The following EBF4 variants were observed in gnomAD, a reference collection of about 807,000 sequenced individuals.
EBF4 encodes the protein transcription factor COE4.
EBF4 carries 34 observed loss-of-function variants against 67.1 expected under a neutral mutation model. That is an observed-to-expected ratio of 0.51 (90% CI 0.39 to 0.67). EBF4 has a LOEUF of 0.67. EBF4 is among the 30% of genes least tolerant of loss of function. The pLI, the probability that EBF4 is intolerant of heterozygous loss-of-function variation, is 0.00. For missense variants in EBF4, 837 were observed against 873.3 expected (o/e 0.96, Z 0.52); for synonymous variants, 387 against 377.7 (o/e 1.02, Z -0.29).
At chr20:2,744,909 A>G (rs2088027375) in intron 6 of EBF4, among the ~76,000 whole-genome samples, 1 of 152,228 alleles carries the variant, frequency 6.6e-6, no homozygotes, top group Non-Finnish European at 1.5e-5. Flanking sequence ...CCCACATGAA[A>G]TCAACATAAA....
At chr20:2,735,776 C>T (rs1039477648) in intron 6 of EBF4, among the ~76,000 whole-genome samples, 8 of 152,118 alleles carry the variant, frequency 5.3e-5, no homozygotes, top group Non-Finnish European at 7.4e-5. Flanking sequence ...TCCCTGCCCT[C>T]TGAGAGCTTA....
intron 6 of EBF4, among the ~76,000 whole-genome samples, chr20:2,711,528 A>G (rs1282426136): frequency 2.0e-5 from 3 of 152,248 alleles, no homozygotes; most frequent in African/African-American, 4.8e-5. Flanking sequence ...GCTACTGCCA[A>G]TTCGATCTCT....
chr20:2,715,800 G>A (rs1258934731), intron 6 of EBF4, among the ~76,000 whole-genome samples: 1 of 152,150 alleles, frequency 6.6e-6, no homozygotes, highest in African/African-American at 2.4e-5. Flanking sequence ...CCAGGCTGGA[G>A]TGCAGTGGCG....
In EBF4 at chr20:2,755,510, C is replaced by A. The variant is rs76046761; in HGVS notation, c.1541-117C>A. 0.017 allele frequency: 10,990 copies of A among 646,320 alleles called. 152 individuals carry two copies. Among genetic ancestry groups the A allele is most frequent in the Non-Finnish European group, 0.023 (8,124 of 355,962 alleles). 40.0% of individuals were successfully genotyped at this position (646,320 alleles called of 1,614,324 possible). A position where few individuals can be genotyped will look rare whatever the true frequency, so the allele number is the denominator to read the frequency against. On this transcript the variant is annotated intron_variant, in intron 14 of 16. Coordinates refer to ENST00000609451, the Ensembl canonical transcript of EBF4. The surrounding 1 kb of genome is among the most constrained non-coding windows in gnomAD (Gnocchi z 4.7). ...CTCCCAGTGAGATCTGAGCCTGGTACCTGTGTCAGCAGCCCATGTGGGGCC... is the reference window on the plus strand; with the variant it reads ...CTCCCAGTGAGATCTGAGCCTGGTAACTGTGTCAGCAGCCCATGTGGGGCC...
intron 1 of EBF4, among the ~76,000 whole-genome samples, chr20:2,701,921 G>A (rs1326454499): frequency 6.6e-6 from 1 of 152,178 alleles, no homozygotes; most frequent in East Asian, 1.9e-4. Context: ...GGCCTCATTA[G>A]CATATTCATC....
In EBF4 at chr20:2,706,035, A is replaced by G. The variant is rs1389931160; in HGVS notation, c.356A>G (p.Asn119Ser). 15 of 1,551,466 alleles carry G rather than the reference A, an allele frequency of 9.7e-6. No individual in the cohort carries two copies. The highest frequency in any genetic ancestry group is 1.4e-5 in the African/African-American group (1 of 73,026). ...TACCGCCTCCGGCTGGTGTATAACA[A>G]TGGTGAGTGGAGGCCCCTGCCCTAC... The change falls in exon 3 of 17, where the codon AAT (asparagine) becomes AGT (serine). Residue 119 changes from asparagine to serine, a missense_variant and splice_region_variant. Physicochemically the swap from Asn to Ser is conservative, Grantham distance 46 (BLOSUM62 1). Coordinates refer to ENST00000609451, the Ensembl canonical transcript of EBF4.
Position 2,745,560 on chromosome 20 carries a change from G to A in EBF4, c.558-2989G>A, listed in dbSNP as rs117198521. Among the ~76,000 whole-genome samples, 1 of 152,208 alleles carries A rather than the reference G, an allele frequency of 6.6e-6. No individual in the cohort carries two copies. The highest frequency in any genetic ancestry group is 1.5e-5 in the Non-Finnish European group (1 of 68,032). On this transcript the variant is annotated intron_variant, in intron 6 of 16. Coordinates refer to ENST00000609451, the Ensembl canonical transcript of EBF4. The surrounding 1 kb of genome is among the most constrained non-coding windows in gnomAD (Gnocchi z 5.2). ...CCAGAAAATGGTGGCTGTACAGGGCGTGAGAATTGGTGTGGACCCAAAGGA... is the reference window on the plus strand; with the variant it reads ...CCAGAAAATGGTGGCTGTACAGGGCATGAGAATTGGTGTGGACCCAAAGGA...
chr20:2,705,788 CACA>C, intron 2 of EBF4, 55 bp downstream of exon 2: 4 of 260,318 alleles, frequency 1.5e-5, no homozygotes, highest in Non-Finnish European at 2.0e-5. Flanking sequence ...CCCCCAACCA[CACA>C]CACACACACA....
intron 14 of EBF4, 101 bp downstream of exon 14, chr20:2,752,646 G>T (rs1286694340): frequency 1.3e-5 from 14 of 1,042,100 alleles, no homozygotes; most frequent in Admixed American, 4.4e-5. Context: ...CGCCGGCGCC[G>T]TGAGAGTCGA....
At chr20:2,748,511 C>A (rs1400147096) in intron 6 of EBF4, 38 bp from the exon 7 acceptor site, 4 of 1,535,364 alleles carry the variant, frequency 2.6e-6, no homozygotes, top group Non-Finnish European at 3.5e-6. Context: ...GTTTCCAGAA[C>A]CCCCAGACCC....
Position 2,755,559 on chromosome 20 carries a change from G to A in EBF4, c.1541-68G>A. 1 of 798,954 alleles carries A rather than the reference G, an allele frequency of 1.3e-6. No homozygotes were observed. The highest frequency in any genetic ancestry group is 2.7e-5 in the East Asian group (1 of 37,608). 49.5% of individuals were successfully genotyped at this position (798,954 alleles called of 1,614,324 possible). On this transcript the variant is annotated intron_variant, in intron 14 of 16. Transcript: ENST00000609451. The surrounding 1 kb of genome is among the most constrained non-coding windows in gnomAD (Gnocchi z 4.7). ...CCCCAGCCAAGCTGCTCACTCTGGT[G>A]CTGTCTCCCTGTTGTGTCTCCCACC...
chr20:2,716,269 G>A (rs955865649), intron 6 of EBF4, among the ~76,000 whole-genome samples: 3 of 149,480 alleles, frequency 2.0e-5, no homozygotes, highest in Admixed American at 6.7e-5. Flanking sequence ...GCTCACGCCT[G>A]TAATCCCAGC....
chr20:2,741,044 C>T (rs545289246), intron 6 of EBF4, among the ~76,000 whole-genome samples: 4 of 152,242 alleles, frequency 2.6e-5, no homozygotes, highest in African/African-American at 9.6e-5. Context: ...GGCATGGTGG[C>T]TCATGCCTGT....
chr20:2,732,194 C>T (rs2087822594), intron 6 of EBF4, among the ~76,000 whole-genome samples: 1 of 151,954 alleles, frequency 6.6e-6, no homozygotes, highest in Non-Finnish European at 1.5e-5. Flanking sequence ...CCTTAGGGCT[C>T]ACTACAGCCT....
chr20:2,752,344 C>T lies in EBF4; in HGVS notation c.1352-13C>T. The stretch of plus-strand genomic sequence containing the variant: ...CCGGCACCGCCCCCTGACGGCCGCG[C>T]TCTCTCTCGCAGGCTACGCGCGCAG... On this transcript the variant is annotated splice_polypyrimidine_tract_variant and intron_variant, in intron 13 of 16. Transcript: ENST00000609451. 8.3e-7 allele frequency: 1 copy of T among 1,201,278 alleles called. No homozygotes were observed. The highest frequency in any genetic ancestry group is 1.0e-6 in the Non-Finnish European group (1 of 970,270). The allele number at this position is 1,201,278 out of a possible 1,614,324, so 74.4% of individuals were successfully genotyped here. A position where few individuals can be genotyped will look rare whatever the true frequency, so the allele number is the denominator to read the frequency against.
intron 7 of EBF4, among the ~76,000 whole-genome samples, chr20:2,748,848 C>G (rs1316273915): frequency 6.6e-6 from 1 of 152,352 alleles, no homozygotes; most frequent in African/African-American, 2.4e-5. Flanking sequence ...TCATTAGAGT[C>G]CCACTTAAGA....
intron 6 of EBF4, among the ~76,000 whole-genome samples, chr20:2,735,384 G>A (rs1487319888): frequency 6.6e-6 from 1 of 152,122 alleles, no homozygotes; most frequent in East Asian, 1.9e-4. Flanking sequence ...TGGGAATAGG[G>A]CAAATTAAAA....
chr20:2,752,481 C>T (rs1346769558), exon 14 of EBF4: 1 of 1,262,990 alleles, frequency 7.9e-7, no homozygotes, highest in East Asian at 3.1e-5. Flanking sequence ...CGGGCGTGGC[C>T]GGCCTCGGCG....
intron 6 of EBF4, among the ~76,000 whole-genome samples, chr20:2,740,321 AAT>A (rs1490378544): frequency 6.6e-6 from 1 of 152,206 alleles, no homozygotes; most frequent in Non-Finnish European, 1.5e-5. Context: ...TCAAAAAAAA[AAT>A]AGATTTATGT....
Sources: gnomAD v4.1 joint callset for allele counts (sites outside exome capture counted in the v4.1 genomes callset) on GRCh38, gnomAD v4.1.1 for gene constraint, Gnocchi (gnomAD v3.1) non-coding constraint, MANE v1.5 for transcripts, NCBI Gene and HGNC (gene_info 2026-07-23, HGNC 2026-07-21) for gene names.